Variants in PRKG1 observed in about 807,000 individuals in gnomAD.
The protein encoded by PRKG1 is protein kinase cGMP-dependent 1, also known as cGMP-dependent protein kinase 1.
In PRKG1, 35 loss-of-function variants were observed where a neutral mutation model predicts 88.1. The ratio of observed to expected loss-of-function variants is 0.40; its 90% CI spans 0.30 to 0.53. The LOEUF is 0.53. Ranked by LOEUF, PRKG1 falls within the 20% of genes least tolerant of loss-of-function variation. PRKG1 has a pLI of 0.59. For missense variants in PRKG1, 540 were observed against 839.8 expected, an observed-to-expected ratio of 0.64 and a Z score of 4.41; for synonymous variants, 303 against 292.5, an observed-to-expected ratio of 1.04 and a Z score of -0.37.
At chr10:51,970,850 C>T (rs573038903) in intron 5 of PRKG1, among the ~76,000 whole-genome samples, 1 of 138,340 alleles carries the variant, frequency 7.2e-6, no homozygotes, top group Non-Finnish European at 1.6e-5. Flanking sequence ...ATATATATAT[C>T]TCCATCCCCA....
chr10:51,576,110 C>A lies in PRKG1; in HGVS notation c.592+108274C>A, dbSNP rs558904587. 2.0e-5 allele frequency among the ~76,000 whole-genome samples: 3 copies of A among 151,966 alleles called. No homozygotes were observed. In the East Asian group the frequency reaches 5.8e-4, roughly 29 times the overall value. On this transcript the variant is annotated intron_variant, in intron 3 of 17. Transcript: ENST00000373980. ...CATATCACAGATAATAAAATGGCAG[C>A]TTCAAGAGGTGAAGTAACTTGCCCA...
At chr10:51,098,406 G>C (rs943423405) in intron 1 of PRKG1, among the ~76,000 whole-genome samples, 3 of 152,174 alleles carry the variant, frequency 2.0e-5, no homozygotes, top group Non-Finnish European at 4.4e-5. Flanking sequence ...ATTGGAGAGA[G>C]TGTGGATTGG....
chr10:51,839,964 T>C lies in PRKG1; in HGVS notation c.698+35274T>C, dbSNP rs147671664. 9.2e-5 allele frequency among the ~76,000 whole-genome samples: 14 copies of C among 152,290 alleles called. No homozygotes were observed. The East Asian group carries it at 2.7e-3, about 29-fold the overall frequency. On this transcript the variant is annotated intron_variant, in intron 4 of 17. Transcript: ENST00000373980. Reference sequence around the variant, plus strand: ...GAGGATGCCATTTTAACTAATGGAGTTCAGTAAGTGACAGCCCTGTTTTCC... The same window carrying C: ...GAGGATGCCATTTTAACTAATGGAGCTCAGTAAGTGACAGCCCTGTTTTCC...
intron 9 of PRKG1, among the ~76,000 whole-genome samples, chr10:52,208,597 C>CTCAGAG (rs1839879412): frequency 6.6e-6 from 1 of 152,192 alleles, no homozygotes; most frequent in Admixed American, 6.5e-5. Flanking sequence ...AGAGCTAACA[C>CTCAGAG]TAGGACACTT....
intron 4 of PRKG1, among the ~76,000 whole-genome samples, chr10:51,855,376 A>G (rs1840654360): frequency 6.6e-6 from 1 of 152,166 alleles, no homozygotes; most frequent in Non-Finnish European, 1.5e-5. Flanking sequence ...AGGGAGACAC[A>G]TTTCCTCAGC....
At chr10:51,559,330 C>G (rs1837398494) in intron 3 of PRKG1, among the ~76,000 whole-genome samples, 1 of 152,080 alleles carries the variant, frequency 6.6e-6, no homozygotes, top group African/African-American at 2.4e-5. Flanking sequence ...TTTTCCCTGG[C>G]TCCTCATATT....
At chr10:51,725,771 C>A (rs1254396583) in intron 3 of PRKG1, among the ~76,000 whole-genome samples, 1 of 151,906 alleles carries the variant, frequency 6.6e-6, no homozygotes, top group Non-Finnish European at 1.5e-5. Context: ...GTAGCTGGGA[C>A]TACAGGCACA....
intron 3 of PRKG1, among the ~76,000 whole-genome samples, chr10:51,555,022 G>A (rs891042112): frequency 1.3e-5 from 2 of 151,872 alleles, no homozygotes; most frequent in African/African-American, 4.8e-5. Context: ...TGTTTGTTAA[G>A]GTTCATGATT....
chr10:51,318,804 G>C lies in PRKG1; in HGVS notation c.479-148919G>C, dbSNP rs565018597. 7.6e-4 allele frequency among the ~76,000 whole-genome samples: 116 copies of C among 152,254 alleles called. 1 individual carries two copies. The highest frequency in any genetic ancestry group is 2.6e-3 in the African/African-American group (107 of 41,546). ...GAAAGTTCTTCTCTGTGCTCAGTTT[G>C]ACATATTTTAAATTAGAGGCTATCT... On this transcript the variant is annotated intron_variant, in intron 2 of 17. Transcript: ENST00000373980.
chr10:51,403,377 A>T (rs2132672038), intron 2 of PRKG1, among the ~76,000 whole-genome samples: 1 of 152,310 alleles, frequency 6.6e-6, no homozygotes, highest in South Asian at 2.1e-4. Context: ...AGTTGATTAG[A>T]TTTCTTTGAA....
chr10:51,827,574 T>A (rs1839908159), intron 4 of PRKG1, among the ~76,000 whole-genome samples: 1 of 152,136 alleles, frequency 6.6e-6, no homozygotes, highest in Non-Finnish European at 1.5e-5. Context: ...GGATGCATTT[T>A]ATCATTGAAT....
intron 2 of PRKG1, among the ~76,000 whole-genome samples, chr10:51,459,383 C>T (rs940473804): frequency 1.3e-5 from 2 of 152,054 alleles, no homozygotes; most frequent in African/African-American, 4.8e-5. Flanking sequence ...TTCTCTGTAA[C>T]CTCTAGCTTC....
In PRKG1 at chr10:51,566,920, A is replaced by G. The variant is rs569087010; in HGVS notation, c.592+99084A>G. ...ATGTTGTCAATATATAGACACATACACACACATAAAAAAAAAAGAGAGAGA... is the reference window on the plus strand; with the variant it reads ...ATGTTGTCAATATATAGACACATACGCACACATAAAAAAAAAAGAGAGAGA... On this transcript the variant is annotated intron_variant, in intron 3 of 17. Transcript: ENST00000373980. Among the ~76,000 whole-genome samples the G allele has an allele frequency of 2.2e-3, 324 of 149,278 alleles. 2 individuals carry two copies. Among genetic ancestry groups the G allele is most frequent in the African/African-American group, 8.0e-3 (311 of 38,782 alleles).
chr10:51,267,836 G>T (rs1336532602), intron 2 of PRKG1, among the ~76,000 whole-genome samples: 6 of 152,142 alleles, frequency 3.9e-5, no homozygotes. Context: ...CTCAGTAAAA[G>T]AAATAATCGT....
intron 3 of PRKG1, 40 bp downstream of exon 3, chr10:51,467,876 T>G: frequency 6.8e-7 from 1 of 1,476,712 alleles, no homozygotes; most frequent in Non-Finnish European, 9.4e-7. Flanking sequence ...TTTCAATGTC[T>G]TTTCCCTAGG....
Position 52,297,934 on chromosome 10 carries a change from AGT to A in PRKG1, c.*4039_*4040del, listed in dbSNP as rs1312890064. Reference sequence around the variant, plus strand: ...CAGACCTAGAAAGCAAAACATTGAAAGTGTGTTGTTAGCCCTCCTCTCTGCCC... The same window carrying A: ...CAGACCTAGAAAGCAAAACATTGAAAGTGTTGTTAGCCCTCCTCTCTGCCC... On this transcript the variant is annotated 3_prime_UTR_variant, in exon 18 of 18. Coordinates refer to ENST00000373980, the MANE Select transcript of PRKG1 (RefSeq NM_006258.4). The A allele has an allele frequency of 6.6e-6, 1 of 152,184 alleles. No individual in the cohort carries two copies. The highest frequency in any genetic ancestry group is 2.4e-5 in the African/African-American group (1 of 41,450). The allele number at this position is 152,184 out of a possible 1,614,324, so 9.4% of individuals were successfully genotyped here.
chr10:52,220,486 G>A (rs1414372947), intron 9 of PRKG1, among the ~76,000 whole-genome samples: 2 of 151,962 alleles, frequency 1.3e-5, no homozygotes, highest in Non-Finnish European at 2.9e-5. Flanking sequence ...TGTCATGGGG[G>A]TATGTCGTAC....
At position 51,074,751 on chromosome 10, in the gene PRKG1, G is replaced by C. The variant is rs1360329792; in HGVS notation, c.161G>C (p.Arg54Pro). The C allele has an allele frequency of 6.2e-7, 1 of 1,614,008 alleles. No individual in the cohort carries two copies. The highest frequency in any genetic ancestry group is 8.5e-7 in the Non-Finnish European group (1 of 1,179,954). ...CTGGACAAGTACCGCTCGGTGATCCGACCAGCCACCCAGCAGGCGCAGAAG... is the reference window on the plus strand; with the variant it reads ...CTGGACAAGTACCGCTCGGTGATCCCACCAGCCACCCAGCAGGCGCAGAAG... ...NELDKYRSVI[R>P]PATQQAQKQS... Residue 54 changes from arginine to proline, a missense_variant, in exon 1 of 18, where the codon CGA becomes CCA. This residue lies in a region of PRKG1 where 400 missense variants were observed against 562.7 expected (regional missense o/e 0.71). Transcript: ENST00000373980.
chr10:51,209,665 C>T (rs926169523), intron 2 of PRKG1, among the ~76,000 whole-genome samples: 1 of 151,962 alleles, frequency 6.6e-6, no homozygotes, highest in Non-Finnish European at 1.5e-5. Context: ...TGCCATTTTA[C>T]TAGGAAGAGA....
Sources: gnomAD v4.1 joint callset for allele counts (sites outside exome capture counted in the v4.1 genomes callset) on GRCh38, gnomAD v4.1.1 for gene constraint, gnomAD v4.1.1 regional missense constraint, MANE v1.5 for transcripts, NCBI Gene and HGNC (gene_info 2026-07-23, HGNC 2026-07-21) for gene names.